The following ARID2 variants were observed in gnomAD, a reference collection of about 807,000 sequenced individuals.
ARID2 encodes the protein AT-rich interaction domain 2, also known as AT-rich interactive domain-containing protein 2.
ARID2 carries 32 observed loss-of-function variants against 184.6 expected under a neutral mutation model. That is an observed-to-expected ratio of 0.17 (90% CI 0.13 to 0.23). ARID2 has a LOEUF of 0.23. ARID2 is among the 10% of genes least tolerant of loss of function. The pLI, the probability that ARID2 is intolerant of heterozygous loss-of-function variation, is 1.00. For synonymous variants in ARID2, 836 were observed against 772.6 expected (o/e 1.08, Z -1.36); for missense variants, 1,696 against 2,197.6 (o/e 0.77, Z 4.56).
At position 45,906,833 on chromosome 12, in the gene ARID2, T is replaced by G. The variant is rs970308435; in HGVS notation, c.*1755T>G. The G allele has an allele frequency of 8.6e-6, 2 of 232,206 alleles. No homozygotes were observed. The highest frequency in any genetic ancestry group is 4.4e-5 in the African/African-American group (2 of 45,324). The allele number at this position is 232,206 out of a possible 1,614,324, so 14.4% of individuals were successfully genotyped here. A position where few individuals can be genotyped will look rare whatever the true frequency, so the allele number is the denominator to read the frequency against. On this transcript the variant is annotated 3_prime_UTR_variant, in exon 21 of 21. Transcript: ENST00000334344. ...ATATGCCTTTTTTTACTGGATACTG[T>G]ACATTTGGCTAAAAGCTTTTATTGT...
chr12:45,849,738 A>G lies in ARID2; in HGVS notation c.1874A>G (p.Asp625Gly). Residue 625 changes from aspartate (D) to glycine (G), a missense_variant, in exon 14 of 21, where the codon GAT becomes GGT. Coordinates refer to ENST00000334344, the MANE Select transcript of ARID2 (RefSeq NM_152641.4). ...GTTTCTACTTCTGTTGTTCGTGTTG[A>G]TTCTGTTCCTGATGTATCTCCTGCT... ...QPVSTSVVRV[D>G]SVPDVSPAPS... 1 of 1,613,532 alleles carries G rather than the reference A, an allele frequency of 6.2e-7. No individual in the cohort carries two copies. Among genetic ancestry groups the G allele is most frequent in the Non-Finnish European group, 8.5e-7 (1 of 1,179,668 alleles).
intron 3 of ARID2, among the ~76,000 whole-genome samples, chr12:45,768,174 T>G (rs760430234): frequency 3.0e-4 from 45 of 152,246 alleles, no homozygotes; most frequent in Non-Finnish European, 4.9e-4. Context: ...TATTTCCTAG[T>G]TGGAGGGTAT....
At chr12:45,760,679 C>T (rs775713674) in intron 3 of ARID2, among the ~76,000 whole-genome samples, 8 of 151,678 alleles carry the variant, frequency 5.3e-5, no homozygotes, top group Admixed American at 2.0e-4. Flanking sequence ...GCTTTTTTAC[C>T]GGTATATGTT....
intron 3 of ARID2, among the ~76,000 whole-genome samples, chr12:45,794,075 T>C (rs1942343640): frequency 6.6e-6 from 1 of 152,160 alleles, no homozygotes; most frequent in Non-Finnish European, 1.5e-5. Context: ...CGAGGGTATG[T>C]TCCAAGACCC....
intron 3 of ARID2, among the ~76,000 whole-genome samples, chr12:45,735,329 AGG>A (rs1172915255): frequency 1.3e-5 from 2 of 152,312 alleles, no homozygotes; most frequent in African/African-American, 2.4e-5. Context: ...TATTCAAGGA[AGG>A]AAAATAAAAG....
At chr12:45,897,649 G>A (rs1306289073) in intron 20 of ARID2, among the ~76,000 whole-genome samples, 1 of 152,012 alleles carries the variant, frequency 6.6e-6, no homozygotes, top group Non-Finnish European at 1.5e-5. Flanking sequence ...TGAAAGATAT[G>A]TTTACACCAA....
intron 3 of ARID2, among the ~76,000 whole-genome samples, chr12:45,754,162 T>G (rs1185148392): frequency 6.6e-6 from 1 of 152,212 alleles, no homozygotes; most frequent in East Asian, 1.9e-4. Flanking sequence ...TAGAAGCATT[T>G]CATTCACTTG....
chr12:45,845,310 C>T (rs1943422216), intron 11 of ARID2, among the ~76,000 whole-genome samples: 1 of 152,026 alleles, frequency 6.6e-6, no homozygotes, highest in Admixed American at 6.6e-5. Context: ...GTATTAATAT[C>T]GTCAACTTAG....
chr12:45,781,126 C>A (rs1434308770), intron 3 of ARID2, among the ~76,000 whole-genome samples: 2 of 151,568 alleles, frequency 1.3e-5, no homozygotes, highest in African/African-American at 4.9e-5. Context: ...TCAAACCCAG[C>A]ACTTAAAACA....
rs538663686 is a variant in ARID2 at position 45,802,718 on chromosome 12, CTG to C, written c.285-8695_285-8694del. ...AGAGTACTTACACCACCAAGAAACA[CTG>C]TGTGGTAAAGAAAAAAAAATTTTTT... On this transcript the variant is annotated intron_variant, in intron 3 of 20. Transcript: ENST00000334344. 1.1e-4 allele frequency among the ~76,000 whole-genome samples: 16 copies of C among 152,180 alleles called. No homozygotes were observed. In the East Asian group the frequency reaches 2.9e-3, roughly 28 times the overall value.
intron 16 of ARID2, among the ~76,000 whole-genome samples, chr12:45,886,196 G>A (rs1248571325): frequency 6.6e-6 from 1 of 151,864 alleles, no homozygotes; most frequent in Non-Finnish European, 1.5e-5. Flanking sequence ...GGAGAAATTG[G>A]CCAAAACAAA....
intron 15 of ARID2, 93 bp downstream of exon 15, chr12:45,852,989 T>G: frequency 3.5e-6 from 5 of 1,429,488 alleles, no homozygotes; most frequent in Non-Finnish European, 4.6e-6. Flanking sequence ...TGTCTCATCT[T>G]GAAAAGTTAC....
intron 3 of ARID2, among the ~76,000 whole-genome samples, chr12:45,808,153 G>C (rs1942636125): frequency 6.6e-6 from 1 of 152,202 alleles, no homozygotes; most frequent in Non-Finnish European, 1.5e-5. Flanking sequence ...GGTGAACACA[G>C]TAGATCTGTT....
chr12:45,813,870 C>G (rs1457628186), intron 4 of ARID2, among the ~76,000 whole-genome samples: 5 of 152,064 alleles, frequency 3.3e-5, no homozygotes, highest in Non-Finnish European at 5.9e-5. Flanking sequence ...TTTTATCATT[C>G]ATTTGCATAG....
At chr12:45,827,182 C>T (rs1943019547) in intron 6 of ARID2, among the ~76,000 whole-genome samples, 1 of 151,222 alleles carries the variant, frequency 6.6e-6, no homozygotes, top group African/African-American at 2.4e-5. Flanking sequence ...AGAAGTATAC[C>T]ATCTTAACTG....
rs373044333 is a variant in ARID2, at chr12:45,839,217, T to G, written c.1331-112T>G. The G allele has an allele frequency of 3.7e-3, 3,846 of 1,045,400 alleles. 187 individuals are homozygous for G. In the South Asian group the frequency reaches 0.065, roughly 18 times the overall value. The allele number at this position is 1,045,400 out of a possible 1,614,324, so 64.8% of individuals were successfully genotyped here. Reference sequence around the variant, plus strand: ...GGTAATTCTGATGTACTGTGATTCATGGACTAGCATTTATTCACATTGATA... The same window carrying G: ...GGTAATTCTGATGTACTGTGATTCAGGGACTAGCATTTATTCACATTGATA... On this transcript the variant is annotated intron_variant, in intron 10 of 20. Coordinates refer to ENST00000334344, the MANE Select transcript of ARID2 (RefSeq NM_152641.4).
chr12:45,844,592 T>C (rs745809365), intron 11 of ARID2, among the ~76,000 whole-genome samples: 3 of 152,210 alleles, frequency 2.0e-5, no homozygotes, highest in Non-Finnish European at 4.4e-5. Flanking sequence ...TGGATACTAA[T>C]GTTTCTAATT....
At chr12:45,744,812 A>C (rs1327580585) in intron 3 of ARID2, among the ~76,000 whole-genome samples, 1 of 152,180 alleles carries the variant, frequency 6.6e-6, no homozygotes, top group East Asian at 1.9e-4. Context: ...AATCCATTTA[A>C]ATTCATCAAT....
At chr12:45,730,853 A>G (rs938510934) in intron 2 of ARID2, among the ~76,000 whole-genome samples, 3 of 139,190 alleles carry the variant, frequency 2.2e-5, no homozygotes, top group African/African-American at 7.8e-5. Context: ...GCTGTCCGGA[A>G]CTGTATTGAT....
Sources: gnomAD v4.1 joint callset for allele counts (sites outside exome capture counted in the v4.1 genomes callset) on GRCh38, gnomAD v4.1.1 for gene constraint, MANE v1.5 for transcripts, NCBI Gene and HGNC (gene_info 2026-07-23, HGNC 2026-07-21) for gene names.